PLEKHM2: variants seen among roughly 807,000 people sequenced by gnomAD.
PLEKHM2 encodes pleckstrin homology domain-containing family M member 2.
PLEKHM2 carries 77 observed loss-of-function variants against 116.3 expected under a neutral mutation model. The observed-to-expected ratio is 0.66, with a 90% confidence interval of 0.55 to 0.80. The LOEUF (loss-of-function observed/expected upper bound fraction) is 0.80. PLEKHM2 is among the 30% of genes least tolerant of loss of function. The probability of loss-of-function intolerance (pLI) is 0.00; values close to 1 mark genes in which losing one functional copy is unlikely to be tolerated. For missense variants in PLEKHM2, 1,183 were observed against 1,354.9 expected (o/e 0.87, Z 1.99); for synonymous variants, 562 against 571.0 (o/e 0.98, Z 0.22).
chr1:15,697,679 C>G (rs1202731028), intron 1 of PLEKHM2, among the ~76,000 whole-genome samples: 1 of 152,146 alleles, frequency 6.6e-6, no homozygotes, highest in Non-Finnish European at 1.5e-5. Context: ...CTTTCTTTTT[C>G]TTGAGACAGG....
chr1:15,725,245 A>G (rs2068046844), intron 7 of PLEKHM2, 72 bp from the exon 8 acceptor site: 1 of 1,106,020 alleles, frequency 9.0e-7, no homozygotes, highest in African/African-American at 1.5e-5. Flanking sequence ...CTCCTGGGCT[A>G]ACGCATGCTC....
chr1:15,725,257 G>A, intron 7 of PLEKHM2, 60 bp from the exon 8 acceptor site: 2 of 1,249,656 alleles, frequency 1.6e-6, no homozygotes, highest in South Asian at 2.6e-5. Context: ...CGCATGCTCT[G>A]GGGGTCGGGG....
In PLEKHM2 at chr1:15,701,727, C is replaced by T. The variant is rs527577718; in HGVS notation, c.61-14510C>T. Among the ~76,000 whole-genome samples the T allele has an allele frequency of 9.2e-5, 14 of 151,758 alleles. No individual in the cohort carries two copies. The South Asian group carries it at 2.7e-3, about 29-fold the overall frequency. The stretch of plus-strand genomic sequence containing the variant: ...AATGGTGTGAACCCGGGAGGCGGAG[C>T]TTGCAGTGAGCCGAGATTGCGCCAC... On this transcript the variant is annotated intron_variant, in intron 1 of 19. Transcript: ENST00000375799.
intron 1 of PLEKHM2, among the ~76,000 whole-genome samples, chr1:15,699,568 A>G (rs1286186283): frequency 6.6e-6 from 1 of 152,190 alleles, no homozygotes; most frequent in Non-Finnish European, 1.5e-5. Context: ...TATATGTGCC[A>G]CATTTTCTTA....
chr1:15,725,704 G>T, intron 8 of PLEKHM2, 159 bp downstream of exon 8: 1 of 609,778 alleles, frequency 1.6e-6, no homozygotes, highest in South Asian at 2.0e-5. Flanking sequence ...CTTTGAGCAA[G>T]AGGAAGTGGA....
intron 3 of PLEKHM2, 111 bp downstream of exon 3, chr1:15,716,927 C>T (rs539750534): frequency 5.8e-5 from 78 of 1,341,752 alleles, no homozygotes; most frequent in Non-Finnish European, 7.2e-5. Flanking sequence ...GGCAAATTAC[C>T]TGGTGGTGTC....
chr1:15,699,710 G>A (rs569022089), intron 1 of PLEKHM2, among the ~76,000 whole-genome samples: 65 of 152,156 alleles, frequency 4.3e-4, no homozygotes, highest in Middle Eastern at 3.4e-3. Flanking sequence ...TAGGAGAGTG[G>A]GCCGGGTATG....
At chr1:15,681,679 C>A (rs1640647438), upstream of PLEKHM2, 1 of 442,164 alleles carries the variant, frequency 2.3e-6, no homozygotes. Flanking sequence ...GTGCGCAATT[C>A]TGACTCCACA....
rs578126323 is a variant in PLEKHM2 at position 15,687,660 on chromosome 1, G to A, written c.60+3042G>A. Among the ~76,000 whole-genome samples the A allele has an allele frequency of 6.6e-5, 10 of 152,292 alleles. 1 individual carries two copies. The South Asian group carries it at 1.7e-3, about 25-fold the overall frequency. ...TTGTGTGTTTGTTTGAGACAACTGCGATGTGATTCTTGCATCATAAATTAC... is the reference window on the plus strand; with the variant it reads ...TTGTGTGTTTGTTTGAGACAACTGCAATGTGATTCTTGCATCATAAATTAC... On this transcript the variant is annotated intron_variant, in intron 1 of 19. Coordinates refer to ENST00000375799, the MANE Select transcript of PLEKHM2 (RefSeq NM_015164.4).
chr1:15,692,624 G>C (rs1640910795), intron 1 of PLEKHM2, among the ~76,000 whole-genome samples: 1 of 152,186 alleles, frequency 6.6e-6, no homozygotes, highest in African/African-American at 2.4e-5. Flanking sequence ...TTTTTGTAGA[G>C]ACTGAGTCTC....
chr1:15,698,021 A>G (rs1358709710), intron 1 of PLEKHM2, among the ~76,000 whole-genome samples: 1 of 152,054 alleles, frequency 6.6e-6, no homozygotes, highest in East Asian at 1.9e-4. Flanking sequence ...GATTTCACCA[A>G]ACTTGCTTAA....
chr1:15,699,740 G>A (rs1009642221), intron 1 of PLEKHM2, among the ~76,000 whole-genome samples: 4 of 151,912 alleles, frequency 2.6e-5, no homozygotes, highest in South Asian at 2.1e-4. Flanking sequence ...TGGGAGGATC[G>A]CTTGAGCCCA....
chr1:15,733,775 T>C lies in PLEKHM2; in HGVS notation c.2923-22T>C, dbSNP rs112697759. ...TGTGGCCCTCAGTGGCCCTCATCTG[T>C]TCTCTGCACGCCCCAACACAGGTGG... On this transcript the variant is annotated intron_variant, in intron 19 of 19. Coordinates refer to ENST00000375799, the MANE Select transcript of PLEKHM2 (RefSeq NM_015164.4). The C allele has an allele frequency of 2.8e-3, 4,465 of 1,610,460 alleles. 84 individuals are homozygous for C. In the African/African-American group the frequency reaches 0.044, roughly 16 times the overall value.
intron 7 of PLEKHM2, chr1:15,723,232 G>A (rs1016889271): frequency 6.6e-6 from 1 of 152,096 alleles, no homozygotes; most frequent in Non-Finnish European, 1.5e-5. Flanking sequence ...GTGCAACTGC[G>A]TGTGCTGAGG....
intron 1 of PLEKHM2, among the ~76,000 whole-genome samples, chr1:15,706,599 G>T (rs550536527): frequency 1.3e-5 from 2 of 152,154 alleles, no homozygotes; most frequent in South Asian, 4.2e-4. Flanking sequence ...TAGAGACGGG[G>T]TTTCACCACG....
At chr1:15,716,417 A>G (rs1198853980) in intron 2 of PLEKHM2, 74 bp downstream of exon 2, 6 of 913,956 alleles carry the variant, frequency 6.6e-6, no homozygotes, top group East Asian at 5.3e-5. Context: ...AGAAACCCTT[A>G]GCCTCTCTGC....
chr1:15,731,546 T>TG (rs2068143560), intron 16 of PLEKHM2, among the ~76,000 whole-genome samples: 1 of 152,138 alleles, frequency 6.6e-6, no homozygotes, highest in Non-Finnish European at 1.5e-5. Context: ...TTCGGGTATT[T>TG]GGGAGGAACA....
intron 1 of PLEKHM2, among the ~76,000 whole-genome samples, chr1:15,713,626 G>GTTTTT (rs1302555019): frequency 6.9e-6 from 1 of 145,178 alleles, no homozygotes; most frequent in African/African-American, 2.8e-5. Flanking sequence ...TTTTTTGTTT[G>GTTTTT]TTTGTTTGTT....
chr1:15,695,305 T>G (rs1164017832), intron 1 of PLEKHM2, among the ~76,000 whole-genome samples: 2 of 152,186 alleles, frequency 1.3e-5, no homozygotes, highest in Non-Finnish European at 2.9e-5. Flanking sequence ...TCAACCTTCA[T>G]TGTTCACACT....
Sources: gnomAD v4.1 joint callset for allele counts (sites outside exome capture counted in the v4.1 genomes callset) on GRCh38, gnomAD v4.1.1 for gene constraint, MANE v1.5 for transcripts, NCBI Gene and HGNC (gene_info 2026-07-23, HGNC 2026-07-21) for gene names.